MALRD1: variants seen among roughly 807,000 people sequenced by gnomAD.
MALRD1 encodes the protein MAM and LDL receptor class A domain containing 1.
In MALRD1, 247 loss-of-function variants were observed where a neutral mutation model predicts 242.1. That is an observed-to-expected ratio of 1.02 (90% CI 0.92 to 1.13). The LOEUF (loss-of-function observed/expected upper bound fraction) is 1.13. Among genes scored for constraint, MALRD1 ranks in the 50% most tolerant of loss-of-function variants. The pLI is 0.00. For synonymous variants in MALRD1, 995 were observed against 866.6 expected, an observed-to-expected ratio of 1.15 and a Z score of -2.60; for missense variants, 2,989 against 2,533.1, an observed-to-expected ratio of 1.18 and a Z score of -3.86.
At chr10:19,268,414 A>G (rs887116075) in intron 19 of MALRD1, among the ~76,000 whole-genome samples, 3 of 152,198 alleles carry the variant, frequency 2.0e-5, no homozygotes, top group African/African-American at 7.2e-5. Flanking sequence ...TCAGCTTGTG[A>G]GTATAACTCC....
At chr10:19,362,270 G>A (rs1412293901) in intron 26 of MALRD1, among the ~76,000 whole-genome samples, 1 of 151,922 alleles carries the variant, frequency 6.6e-6, no homozygotes, top group Non-Finnish European at 1.5e-5. Context: ...CCACCATTTG[G>A]TATTCTAATA....
chr10:19,377,438 A>G (rs1664304833), intron 26 of MALRD1, among the ~76,000 whole-genome samples: 1 of 152,172 alleles, frequency 6.6e-6, no homozygotes, highest in Admixed American at 6.5e-5. Context: ...AATTATCTAG[A>G]TTCAGATCTC....
At chr10:19,069,567 A>C (rs1181440381) in intron 2 of MALRD1, among the ~76,000 whole-genome samples, 1 of 152,040 alleles carries the variant, frequency 6.6e-6, no homozygotes, top group Non-Finnish European at 1.5e-5. Flanking sequence ...TATTTCTTGT[A>C]GTGCAGTTCT....
At chr10:19,725,278 C>T (rs1834969379) in intron 38 of MALRD1, among the ~76,000 whole-genome samples, 1 of 152,132 alleles carries the variant, frequency 6.6e-6, no homozygotes, top group Non-Finnish European at 1.5e-5. Context: ...TGGTTACCCT[C>T]ATGCTGCTAT....
At chr10:19,500,339 G>A (rs139464726) in intron 31 of MALRD1, among the ~76,000 whole-genome samples, 253 of 152,224 alleles carry the variant, frequency 1.7e-3, no homozygotes, top group African/African-American at 5.8e-3. Context: ...AAGAAACTAA[G>A]GTCAGTAATT....
At chr10:19,242,830 A>G (rs1238611837) in intron 18 of MALRD1, among the ~76,000 whole-genome samples, 2 of 152,026 alleles carry the variant, frequency 1.3e-5, no homozygotes, top group Admixed American at 6.6e-5. Context: ...TAGTGAGGTA[A>G]GTATCATGTA....
At chr10:19,228,762 A>C (rs3814610) in intron 18 of MALRD1, among the ~76,000 whole-genome samples, 31,688 of 152,010 alleles carry the variant, frequency 0.21, 3,566 homozygotes, top group East Asian at 0.35. Flanking sequence ...ACATGTCTAA[A>C]AATCTCAGCA....
chr10:19,299,114 A>C (rs1250976379), intron 21 of MALRD1, among the ~76,000 whole-genome samples: 1 of 152,020 alleles, frequency 6.6e-6, no homozygotes, highest in East Asian at 1.9e-4. Flanking sequence ...ATTGAATGAA[A>C]AGCTGACAGA....
intron 14 of MALRD1, among the ~76,000 whole-genome samples, chr10:19,196,644 A>C (rs1836271253): frequency 6.6e-6 from 1 of 151,634 alleles, no homozygotes; most frequent in South Asian, 2.1e-4. Context: ...GGATTCATAC[A>C]TACAGCTCTT....
intron 29 of MALRD1, among the ~76,000 whole-genome samples, chr10:19,490,905 T>G (rs936504399): frequency 1.3e-5 from 2 of 152,144 alleles, no homozygotes; most frequent in Non-Finnish European, 2.9e-5. Flanking sequence ...ACTTTAATTA[T>G]GTGTATAAAA....
At chr10:19,442,200 C>A (rs1834703783) in intron 28 of MALRD1, among the ~76,000 whole-genome samples, 1 of 152,174 alleles carries the variant, frequency 6.6e-6, no homozygotes, top group South Asian at 2.1e-4. Flanking sequence ...TGAGATTTTG[C>A]TGAAGTTGCT....
chr10:19,333,104 C>T (rs1335227662), intron 24 of MALRD1, among the ~76,000 whole-genome samples: 1 of 151,734 alleles, frequency 6.6e-6, no homozygotes, highest in Non-Finnish European at 1.5e-5. Flanking sequence ...GATTTATGAT[C>T]CAATGTTTTG....
chr10:19,661,723 C>G (rs930750612), intron 36 of MALRD1, among the ~76,000 whole-genome samples: 2 of 151,988 alleles, frequency 1.3e-5, no homozygotes, highest in African/African-American at 4.8e-5. Flanking sequence ...AACATGACAC[C>G]TGTATACATA....
intron 1 of MALRD1, among the ~76,000 whole-genome samples, chr10:19,060,491 T>C (rs1834791875): frequency 6.6e-6 from 1 of 152,176 alleles, no homozygotes. Context: ...CATGCCTATC[T>C]TTCCTGCCCT....
intron 24 of MALRD1, among the ~76,000 whole-genome samples, chr10:19,341,264 A>C (rs1248359185): frequency 6.6e-6 from 1 of 151,762 alleles, no homozygotes. Flanking sequence ...AAACTTGTAA[A>C]AATGAGCATT....
At position 19,416,094 on chromosome 10, in the gene MALRD1, G is replaced by A. The variant is rs188250080; in HGVS notation, c.4845+26485G>A. On this transcript the variant is annotated intron_variant, in intron 28 of 39. Transcript: ENST00000454679. ...TGCCTAACTTCCAGGATAAACTGAA[G>A]TTCCTATTATCATGGATGTAGTTTG... Among the ~76,000 whole-genome samples the A allele has an allele frequency of 2.0e-5, 3 of 152,308 alleles. No homozygotes were observed. In the East Asian group the frequency reaches 5.8e-4, roughly 29 times the overall value.
chr10:19,429,053 A>C (rs1834015636), intron 28 of MALRD1, among the ~76,000 whole-genome samples: 1 of 152,232 alleles, frequency 6.6e-6, no homozygotes, highest in Non-Finnish European at 1.5e-5. Context: ...GGGCTATTAC[A>C]CCTAGTATAT....
rs115486102 is a variant in MALRD1, at chr10:19,437,505, T to C, written c.4846-12802T>C. On this transcript the variant is annotated intron_variant, in intron 28 of 39. Coordinates refer to ENST00000454679, the MANE Select transcript of MALRD1 (RefSeq NM_001142308.3). ...CTTCAGCCCAGAAATTGTCTTTTAT[T>C]ATTATTATTATTTTTTGTTATTGTT... Among the ~76,000 whole-genome samples, 605 of 152,090 alleles carry C rather than the reference T, an allele frequency of 4.0e-3. 4 individuals are homozygous for C. Among genetic ancestry groups the C allele is most frequent in the Middle Eastern group, 0.014 (4 of 294 alleles).
Position 19,108,569 on chromosome 10 carries a change from C to T in MALRD1, c.694+4494C>T, listed in dbSNP as rs1387179006. 5.9e-5 allele frequency among the ~76,000 whole-genome samples: 4 copies of T among 68,134 alleles called. 1 individual carries two copies. The highest frequency in any genetic ancestry group is 1.0e-4 in the Non-Finnish European group (4 of 39,458). 44.7% of individuals were successfully genotyped at this position (68,134 alleles called of 152,430 possible). On this transcript the variant is annotated intron_variant, in intron 5 of 39. Coordinates refer to ENST00000454679, the MANE Select transcript of MALRD1 (RefSeq NM_001142308.3). ...AGCTGGGACTACAGGTGCCCGCCAC[C>T]GCGCCCGGCTAATTTTTTGTATTTT...
Sources: allele counts gnomAD v4.1 joint callset (sites outside exome capture counted in the v4.1 genomes callset), GRCh38; gene constraint gnomAD v4.1.1; transcripts MANE v1.5; gene names NCBI Gene and HGNC (gene_info 2026-07-23, HGNC 2026-07-21).